TNS1: variants seen among roughly 807,000 people sequenced by gnomAD.
The protein encoded by TNS1 is tensin-1.
In TNS1, 62 loss-of-function variants were observed where a neutral mutation model predicts 168.6. That is an observed-to-expected ratio of 0.37 (90% CI 0.30 to 0.45). The LOEUF (loss-of-function observed/expected upper bound fraction) is 0.45, where lower values mean the gene tolerates loss of function less well. TNS1 is among the 20% of genes least tolerant of loss of function. The probability of loss-of-function intolerance (pLI) is 1.00; values close to 1 mark genes in which losing one functional copy is unlikely to be tolerated. For missense variants in TNS1, 2,240 were observed against 2,339.4 expected (o/e 0.96, Z 0.88); for synonymous variants, 934 against 933.2 (o/e 1.00, Z -0.02).
chr2:218,008,939 C>G (rs1359294555), intron 1 of TNS1, among the ~76,000 whole-genome samples: 1 of 152,182 alleles, frequency 6.6e-6, no homozygotes, highest in African/African-American at 2.4e-5. Context: ...CAGTTAAACA[C>G]TTTAAATGCA....
At chr2:217,814,633 G>A (rs941324320) in intron 25 of TNS1, among the ~76,000 whole-genome samples, 2 of 152,202 alleles carry the variant, frequency 1.3e-5, no homozygotes, top group African/African-American at 4.8e-5. Flanking sequence ...AGAGAGCTAA[G>A]GTTTCATATT....
intron 3 of TNS1, among the ~76,000 whole-genome samples, chr2:217,964,470 A>T (rs1304500612): frequency 6.6e-6 from 1 of 152,094 alleles, no homozygotes; most frequent in Non-Finnish European, 1.5e-5. Context: ...CCACCACCTT[A>T]CCGGCTGTGT....
chr2:217,984,222 T>C (rs1429860636), intron 2 of TNS1, among the ~76,000 whole-genome samples: 1 of 152,196 alleles, frequency 6.6e-6, no homozygotes. Flanking sequence ...CTGTTGGTTC[T>C]GTTTCTGCAG....
chr2:217,955,981 C>A (rs1397608571), intron 3 of TNS1, among the ~76,000 whole-genome samples: 2 of 152,114 alleles, frequency 1.3e-5, no homozygotes, highest in Non-Finnish European at 1.5e-5. Flanking sequence ...CTGCAGCTGC[C>A]TTGAAGTGGG....
At chr2:217,976,412 C>T (rs1044455414) in intron 3 of TNS1, among the ~76,000 whole-genome samples, 1 of 152,192 alleles carries the variant, frequency 6.6e-6, no homozygotes, top group African/African-American at 2.4e-5. Flanking sequence ...GGCAGGGCGG[C>T]AGTAAGAGCT....
chr2:217,866,160 G>C (rs1482567557), intron 18 of TNS1, among the ~76,000 whole-genome samples: 1 of 152,218 alleles, frequency 6.6e-6, no homozygotes, highest in Admixed American at 6.5e-5. Flanking sequence ...CAGCCACGGT[G>C]TAACAAACAG....
At chr2:218,018,721 T>C (rs1461315535) in intron 1 of TNS1, among the ~76,000 whole-genome samples, 1 of 152,224 alleles carries the variant, frequency 6.6e-6, no homozygotes, top group East Asian at 1.9e-4. Context: ...GGGACTTGGA[T>C]AGAAAGGGGA....
At chr2:217,819,258 C>T (rs1044417755) in intron 23 of TNS1, among the ~76,000 whole-genome samples, 2 of 152,098 alleles carry the variant, frequency 1.3e-5, no homozygotes, top group African/African-American at 4.8e-5. Flanking sequence ...TGGGCTTTCA[C>T]TCCTAGATGG....
intron 18 of TNS1, among the ~76,000 whole-genome samples, chr2:217,854,772 G>A (rs1457178564): frequency 6.6e-6 from 1 of 152,304 alleles, no homozygotes; most frequent in South Asian, 2.1e-4. Context: ...AGAGGCTATG[G>A]CTGGGGCAGG....
At chr2:217,840,105 G>T (rs1945746011) in intron 19 of TNS1, among the ~76,000 whole-genome samples, 1 of 152,188 alleles carries the variant, frequency 6.6e-6, no homozygotes, top group Non-Finnish European at 1.5e-5. Context: ...GATCATCCCT[G>T]GACTGGGAGA....
chr2:218,026,734 C>G (rs529307384), intron 1 of TNS1, among the ~76,000 whole-genome samples: 6 of 152,362 alleles, frequency 3.9e-5, no homozygotes, highest in African/African-American at 1.4e-4. Context: ...GCACCCAGAT[C>G]AGGAGACTCC....
At chr2:217,912,348 C>T (rs1186927655) in intron 4 of TNS1, among the ~76,000 whole-genome samples, 2 of 152,244 alleles carry the variant, frequency 1.3e-5, no homozygotes, top group African/African-American at 2.4e-5. Context: ...GCTCAGCCTC[C>T]GGAGGAACAT....
At position 218,033,886 on chromosome 2, in the gene TNS1, C is replaced by T. The variant is rs997209059; in HGVS notation, c.90G>A (p.Ser30=). Residue 30 remains serine, a synonymous_variant, in exon 1 of 2, where the codon TCG becomes TCA. Coordinates refer to the TNS1 transcript ENST00000649572. This position sits in a 1 kb window ranked among gnomAD's most constrained non-coding sequence, Gnocchi z 4.3. ...CGGACTCCCAGCACTCAGCCCGCGC[C>T]GAGACCCAGGGACTCCCCGGGGGCT... 7.9e-5 allele frequency among the ~76,000 whole-genome samples: 12 copies of T among 152,204 alleles called. No individual in the cohort carries two copies. Among genetic ancestry groups the T allele is most frequent in the Admixed American group, 2.6e-4 (4 of 15,290 alleles).
upstream of TNS1, among the ~76,000 whole-genome samples, chr2:218,004,510 C>A (rs1209802322): frequency 6.6e-6 from 1 of 152,228 alleles, no homozygotes; most frequent in African/African-American, 2.4e-5. Context: ...AGACATCTAC[C>A]TGGGAAACCC....
intron 7 of TNS1, 85 bp from the exon 8 acceptor site, chr2:217,898,054 C>G: frequency 7.1e-7 from 1 of 1,416,530 alleles, no homozygotes; most frequent in Non-Finnish European, 9.4e-7. Flanking sequence ...CATACACACC[C>G]TGTGTGACCC....
chr2:217,827,676 A>G (rs1049638800), intron 22 of TNS1, among the ~76,000 whole-genome samples: 3 of 152,214 alleles, frequency 2.0e-5, no homozygotes, highest in Admixed American at 2.0e-4. Context: ...CCTTGGGCAG[A>G]TCCCCCAACA....
chr2:217,998,281 T>C (rs1416176370), intron 1 of TNS1, among the ~76,000 whole-genome samples: 1 of 152,070 alleles, frequency 6.6e-6, no homozygotes, highest in Admixed American at 6.6e-5. Flanking sequence ...AGCATCTCTC[T>C]CTCTCTCTCT....
chr2:218,019,232 G>C (rs1387249873), intron 1 of TNS1, among the ~76,000 whole-genome samples: 6 of 152,178 alleles, frequency 3.9e-5, no homozygotes, highest in South Asian at 2.1e-4. Context: ...GACTGGGAGA[G>C]AGAAGAATGG....
At chr2:218,027,816 AT>A in intron 1 of TNS1, among the ~76,000 whole-genome samples, 1 of 152,216 alleles carries the variant, frequency 6.6e-6, no homozygotes, top group East Asian at 1.9e-4. Context: ...ACAGGTGAGG[AT>A]TCAGAGGCTT....
Sources: gnomAD v4.1 joint callset for allele counts (sites outside exome capture counted in the v4.1 genomes callset) on GRCh38, gnomAD v4.1.1 for gene constraint, Gnocchi (gnomAD v3.1) non-coding constraint, MANE v1.5 for transcripts, NCBI Gene and HGNC (gene_info 2026-07-23, HGNC 2026-07-21) for gene names.